RGS8: variants seen among roughly 807,000 people sequenced by gnomAD.
RGS8 encodes regulator of G protein signaling 8, also known as regulator of G-protein signaling 8.
A neutral mutation model predicts 21.7 loss-of-function variants in RGS8; 8 were observed. The observed-to-expected ratio is 0.37, with a 90% CI of 0.22 to 0.66. RGS8 has a LOEUF of 0.66. RGS8 is among the 30% of genes least tolerant of loss of function. The pLI is 0.59. For synonymous variants in RGS8, 80 were observed against 83.6 expected (o/e 0.96, Z 0.24); for missense variants, 157 against 217.9 (o/e 0.72, Z 1.76).
At chr1:182,722,778 C>G in the RGS8 span, among the ~76,000 whole-genome samples, 1 of 151,958 alleles carries the variant, frequency 6.6e-6, no homozygotes, top group Non-Finnish European at 1.5e-5. Context: ...AGATTGAGAC[C>G]ACCCTGGCTA....
chr1:182,675,999 T>C (rs1025478223), upstream of RGS8, among the ~76,000 whole-genome samples: 7 of 152,120 alleles, frequency 4.6e-5, no homozygotes, highest in Admixed American at 4.6e-4. Flanking sequence ...TCGCCGAGGA[T>C]TCTTTATGGT....
At chr1:182,706,611 C>G in the RGS8 span, among the ~76,000 whole-genome samples, 2 of 152,026 alleles carry the variant, frequency 1.3e-5, no homozygotes, top group Admixed American at 1.3e-4. Flanking sequence ...GGACTACAGG[C>G]GTGTGCCACC....
At chr1:182,711,774 A>AT in the RGS8 span, among the ~76,000 whole-genome samples, 1 of 152,052 alleles carries the variant, frequency 6.6e-6, no homozygotes, top group African/African-American at 2.4e-5. Flanking sequence ...AGTTCCAAAA[A>AT]TCTCCAGATG....
At chr1:182,742,779 G>GAC in the RGS8 span, among the ~76,000 whole-genome samples, 2 of 152,162 alleles carry the variant, frequency 1.3e-5, no homozygotes, top group Non-Finnish European at 2.9e-5. Context: ...GACAGGGAGA[G>GAC]GGAGAGGGAC....
chr1:182,662,843 C>T (rs1663660771), intron 5 of RGS8, among the ~76,000 whole-genome samples: 1 of 152,112 alleles, frequency 6.6e-6, no homozygotes, highest in Admixed American at 6.5e-5. Flanking sequence ...AGCTGCTTAC[C>T]ATAGATTTTG....
chr1:182,675,514 T>C (rs1664327711), upstream of RGS8, among the ~76,000 whole-genome samples: 1 of 152,170 alleles, frequency 6.6e-6, no homozygotes, highest in African/African-American at 2.4e-5. Context: ...ATCTGTGCAA[T>C]CATCTTTGAT....
chr1:182,644,140 C>T (rs1206689335), downstream of RGS8: 1 of 152,282 alleles, frequency 6.6e-6, no homozygotes, highest in East Asian at 1.9e-4. Context: ...GGATATTGCT[C>T]TAGATGTTGT....
chr1:182,686,911 A>G (rs1664724845), upstream of RGS8, among the ~76,000 whole-genome samples: 2 of 152,214 alleles, frequency 1.3e-5, no homozygotes, highest in South Asian at 2.1e-4. Context: ...TCTGAGAGAA[A>G]GAGAGTAGGA....
At chr1:182,707,209 G>A in the RGS8 span, among the ~76,000 whole-genome samples, 3 of 152,080 alleles carry the variant, frequency 2.0e-5, no homozygotes, top group Non-Finnish European at 4.4e-5. Flanking sequence ...ACAAAAACAA[G>A]ATTGTGCCTG....
At chr1:182,720,577 C>T in the RGS8 span, among the ~76,000 whole-genome samples, 2 of 152,126 alleles carry the variant, frequency 1.3e-5, no homozygotes, top group African/African-American at 4.8e-5. Flanking sequence ...GCCAACTCTG[C>T]CTTCTCAGCA....
At chr1:182,730,710 CAAA>C in the RGS8 span, among the ~76,000 whole-genome samples, 5 of 110,702 alleles carry the variant, frequency 4.5e-5, no homozygotes, top group South Asian at 2.9e-4. Context: ...GACTGCATCT[CAAA>C]AAAAAAAAAA....
intron 5 of RGS8, among the ~76,000 whole-genome samples, chr1:182,656,799 G>T (rs1418951635): frequency 1.3e-5 from 2 of 152,204 alleles, no homozygotes; most frequent in African/African-American, 4.8e-5. Flanking sequence ...ATGCAACAGA[G>T]AACAGATTGT....
upstream of RGS8, chr1:182,672,136 A>G (rs771586156): frequency 5.5e-5 from 11 of 200,296 alleles, no homozygotes; most frequent in Non-Finnish European, 1.1e-4. Context: ...AAGAATAGGT[A>G]TTAACTCTTT....
the RGS8 span, among the ~76,000 whole-genome samples, chr1:182,700,437 C>T: frequency 6.6e-6 from 1 of 152,170 alleles, no homozygotes. Context: ...CATTCCTCCC[C>T]GAAAACGTAA....
chr1:182,735,062 A>C, the RGS8 span, among the ~76,000 whole-genome samples: 1 of 152,192 alleles, frequency 6.6e-6, no homozygotes, highest in Non-Finnish European at 1.5e-5. Context: ...TTTGAAATTC[A>C]ATGTGTAATT....
At chr1:182,697,087 ACT>A in the RGS8 span, among the ~76,000 whole-genome samples, 1 of 152,142 alleles carries the variant, frequency 6.6e-6, no homozygotes, top group Non-Finnish European at 1.5e-5. Context: ...CTGCAACCTC[ACT>A]CTGCCACTTT....
chr1:182,705,390 A>T, the RGS8 span, among the ~76,000 whole-genome samples: 150,996 of 152,310 alleles, frequency 0.99, 74,851 homozygotes, highest in Middle Eastern at 1. Flanking sequence ...CCAACATGGG[A>T]GAGAGAAATC....
At chr1:182,747,041 G>T in the RGS8 span, among the ~76,000 whole-genome samples, 1 of 26,194 alleles carries the variant, frequency 3.8e-5, no homozygotes. Flanking sequence ...AACACTGCTG[G>T]TCTTTTTTTT....
the RGS8 span, among the ~76,000 whole-genome samples, chr1:182,724,730 G>A: frequency 4.6e-5 from 7 of 151,912 alleles, 1 homozygote; most frequent in African/African-American, 1.7e-4. Context: ...GCTAATTTTT[G>A]TATTTTTAGA....
Sources: allele counts gnomAD v4.1 joint callset (sites outside exome capture counted in the v4.1 genomes callset), GRCh38; gene constraint gnomAD v4.1.1; transcripts MANE v1.5; gene names NCBI Gene and HGNC (gene_info 2026-07-23, HGNC 2026-07-21).